SUGP1: variants seen among roughly 807,000 people sequenced by gnomAD.
SUGP1 encodes the protein SURP and G-patch domain containing 1, also known as SURP and G-patch domain-containing protein 1.
In SUGP1, 34 loss-of-function variants were observed where a neutral mutation model predicts 76.5. That is an observed-to-expected ratio of 0.44 (90% CI 0.34 to 0.59). The LOEUF (loss-of-function observed/expected upper bound fraction) is 0.59. Ranked by LOEUF, SUGP1 falls within the 20% of genes least tolerant of loss-of-function variation. The probability of loss-of-function intolerance (pLI) is 0.01; values close to 1 mark genes in which losing one functional copy is unlikely to be tolerated. For missense variants in SUGP1, 752 were observed against 851.7 expected, an observed-to-expected ratio of 0.88 and a Z score of 1.46; for synonymous variants, 326 against 326.2, an observed-to-expected ratio of 1.00 and a Z score of 0.01.
intron 2 of SUGP1, among the ~76,000 whole-genome samples, chr19:19,314,880 C>G (rs1264788042): frequency 2.6e-5 from 4 of 152,128 alleles, no homozygotes; most frequent in Non-Finnish European, 5.9e-5. Flanking sequence ...ACTAAAAATA[C>G]AAAATTGGCT....
intron 8 of SUGP1, 64 bp downstream of exon 8, chr19:19,296,925 A>T (rs1034511910): frequency 4.5e-6 from 6 of 1,330,664 alleles, no homozygotes; most frequent in Non-Finnish European, 6.1e-6. Flanking sequence ...AACCTTGAAG[A>T]CATTATGCTC....
chr19:19,290,504 C>G (rs189678814), intron 8 of SUGP1, among the ~76,000 whole-genome samples: 3 of 151,962 alleles, frequency 2.0e-5, no homozygotes, highest in African/African-American at 7.2e-5. Context: ...ATTAGCCGGG[C>G]ATGGTGGTGG....
Position 19,303,219 on chromosome 19 carries a change from G to A in SUGP1, c.763+129C>T, listed in dbSNP as rs1181251794. 41 of 728,960 alleles carry A rather than the reference G, an allele frequency of 5.6e-5. No individual in the cohort carries two copies. In the Admixed American group the frequency reaches 6.9e-4, roughly 12 times the overall value. The allele number at this position is 728,960 out of a possible 1,614,324, so 45.2% of individuals were successfully genotyped here. On this transcript the variant is annotated intron_variant, in intron 6 of 13. Coordinates refer to ENST00000247001, the MANE Select transcript of SUGP1 (RefSeq NM_172231.4). ...TCCCAGAGTGACCCCAGATGCCTGGGAGAATACAGGCCTCAACCACCGGTG... is the reference window on the plus strand; with the variant it reads ...TCCCAGAGTGACCCCAGATGCCTGGAAGAATACAGGCCTCAACCACCGGTG...
In SUGP1 at chr19:19,278,729, G is replaced by T. The variant is rs372492652; in HGVS notation, c.1596C>A (p.Asp532Glu). The change falls in exon 11 of 14, where the codon GAC (aspartate) becomes GAA (glutamate). Residue 532 changes from aspartate (D) to glutamate (E), a missense_variant. Physicochemically the swap from Asp to Glu is conservative, Grantham distance 45. Coordinates refer to ENST00000247001, the MANE Select transcript of SUGP1 (RefSeq NM_172231.4). ...AGGTCTCCATAAACTTTTCCAGCTCGTCTGGAGGCAGGAAGTCTCCGATGA... is the reference window on the plus strand; with the variant it reads ...AGGTCTCCATAAACTTTTCCAGCTCTTCTGGAGGCAGGAAGTCTCCGATGA... ...KHFIGDFLPP[D>E]ELEKFMETFK... 6.8e-6 allele frequency: 11 copies of T among 1,613,972 alleles called. No individual in the cohort carries two copies. The South Asian group carries it at 7.7e-5, about 11-fold the overall frequency.
At chr19:19,316,157 T>C (rs538308872) in intron 2 of SUGP1, 7 of 477,426 alleles carry the variant, frequency 1.5e-5, no homozygotes, top group Non-Finnish European at 2.6e-5. Flanking sequence ...TTTACTCTGT[T>C]ATACCCCTTC....
chr19:19,291,722 T>C (rs924913728), intron 8 of SUGP1, among the ~76,000 whole-genome samples: 1 of 151,676 alleles, frequency 6.6e-6, no homozygotes, highest in African/African-American at 2.4e-5. Flanking sequence ...ACCCCGTCTC[T>C]ACTAAAAAAA....
Position 19,280,372 on chromosome 19 carries a change from C to A in SUGP1, c.1244-81G>T, listed in dbSNP as rs1366371592. ...TCCTGCGCTGGGGTGTGCTGTGAGTCTCACACCTTCATGACACTCCAGGCA... is the reference window on the plus strand; with the variant it reads ...TCCTGCGCTGGGGTGTGCTGTGAGTATCACACCTTCATGACACTCCAGGCA... On this transcript the variant is annotated intron_variant, in intron 8 of 13. Transcript: ENST00000247001. 4 of 1,245,916 alleles carry A rather than the reference C, an allele frequency of 3.2e-6. No individual in the cohort carries two copies. The East Asian group carries it at 7.0e-5, about 22-fold the overall frequency. 77.2% of individuals were successfully genotyped at this position (1,245,916 alleles called of 1,614,324 possible). A position where few individuals can be genotyped will look rare whatever the true frequency, so the allele number is the denominator to read the frequency against.
intron 6 of SUGP1, chr19:19,302,596 C>A: frequency 1.5e-6 from 1 of 654,450 alleles, no homozygotes; most frequent in Non-Finnish European, 2.5e-6. Context: ...CCCCGTCCCA[C>A]AAGGGAGGTC....
chr19:19,319,055 T>C (rs2061416607), intron 1 of SUGP1, among the ~76,000 whole-genome samples: 1 of 150,036 alleles, frequency 6.7e-6, no homozygotes, highest in South Asian at 2.1e-4. Flanking sequence ...CCGTCTCTAC[T>C]AAAAATACAC....
chr19:19,311,248 G>A (rs909569780), intron 2 of SUGP1, among the ~76,000 whole-genome samples: 2 of 151,554 alleles, frequency 1.3e-5, no homozygotes, highest in African/African-American at 4.9e-5. Flanking sequence ...TATCAGCTGT[G>A]CTCAACTTTG....
intron 8 of SUGP1, among the ~76,000 whole-genome samples, chr19:19,293,661 C>A (rs966663329): frequency 6.6e-6 from 1 of 152,048 alleles, no homozygotes; most frequent in Non-Finnish European, 1.5e-5. Context: ...ACATCATACA[C>A]CCACACATCA....
chr19:19,277,559 C>A (rs1287843731), intron 12 of SUGP1, among the ~76,000 whole-genome samples, 175 bp downstream of exon 12: 3 of 152,182 alleles, frequency 2.0e-5, no homozygotes, highest in Non-Finnish European at 4.4e-5. Flanking sequence ...GAGGACCCAG[C>A]CCGTATGGCC....
chr19:19,287,476 C>T (rs555473966), intron 8 of SUGP1, among the ~76,000 whole-genome samples: 2 of 152,212 alleles, frequency 1.3e-5, no homozygotes, highest in African/African-American at 2.4e-5. Flanking sequence ...GCATGAGAAT[C>T]GTTTGAACCA....
intron 2 of SUGP1, among the ~76,000 whole-genome samples, chr19:19,315,199 G>A (rs1422711054): frequency 6.7e-6 from 1 of 148,342 alleles, no homozygotes. Flanking sequence ...ATGGTGGCAC[G>A]TGCCTGTGGT....
chr19:19,291,766 G>A (rs921861045), intron 8 of SUGP1, among the ~76,000 whole-genome samples: 100 of 151,846 alleles, frequency 6.6e-4, no homozygotes, highest in Non-Finnish European at 1.5e-4. Context: ...TGGTGGCGGC[G>A]CCTGTAGTCC....
chr19:19,282,659 C>T (rs1249910591), intron 8 of SUGP1, among the ~76,000 whole-genome samples: 1 of 152,046 alleles, frequency 6.6e-6, no homozygotes, highest in Non-Finnish European at 1.5e-5. Flanking sequence ...ATGAACTATA[C>T]AGGTCCACTT....
Position 19,276,977 on chromosome 19 carries a change from C to T in SUGP1, c.1881G>A (p.Met627Ile), listed in dbSNP as rs1250475249. 1 of 1,613,184 alleles carries T rather than the reference C, an allele frequency of 6.2e-7. No individual in the cohort carries two copies. The highest frequency in any genetic ancestry group is 8.5e-7 in the Non-Finnish European group (1 of 1,180,024). Residue 627 changes from methionine to isoleucine, a missense_variant, in exon 13 of 14, where the codon ATG becomes ATA. This residue lies in a region of SUGP1 where 132 missense variants were observed against 234.4 expected (regional missense o/e 0.56). Transcript: ENST00000247001. ...DEYEAFRKRM[M>I]LAYRFRPNPL... Reference sequence around the variant, plus strand: ...GGTTGGGCCGGAAGCGGTAGGCCAGCATCATCCTCTTGCGGAACGCCTCAT... The same window carrying T: ...GGTTGGGCCGGAAGCGGTAGGCCAGTATCATCCTCTTGCGGAACGCCTCAT...
intron 7 of SUGP1, among the ~76,000 whole-genome samples, chr19:19,297,900 C>G: frequency 6.6e-6 from 1 of 152,216 alleles, no homozygotes. Context: ...CCTACCCAGC[C>G]TGAGGAGCAC....
At chr19:19,282,849 G>A (rs1243060446) in intron 8 of SUGP1, among the ~76,000 whole-genome samples, 1 of 152,144 alleles carries the variant, frequency 6.6e-6, no homozygotes, top group East Asian at 1.9e-4. Flanking sequence ...AGGCCAAGGT[G>A]GGCGGATCAC....
Sources: gnomAD v4.1 joint callset for allele counts (sites outside exome capture counted in the v4.1 genomes callset) on GRCh38, gnomAD v4.1.1 for gene constraint, gnomAD v4.1.1 regional missense constraint, MANE v1.5 for transcripts, NCBI Gene and HGNC (gene_info 2026-07-23, HGNC 2026-07-21) for gene names.